CAMTA1: variants seen among roughly 807,000 people sequenced by gnomAD.
CAMTA1 encodes calmodulin binding transcription activator 1.
In CAMTA1, 27 loss-of-function variants were observed where a neutral mutation model predicts 170.9. That is an observed-to-expected ratio of 0.16 (90% CI 0.12 to 0.22). The LOEUF (loss-of-function observed/expected upper bound fraction) is 0.22. CAMTA1 is among the 10% of genes least tolerant of loss of function. The pLI, the probability that CAMTA1 is intolerant of heterozygous loss-of-function variation, is 1.00. For synonymous variants in CAMTA1, 833 were observed against 891.5 expected (o/e 0.93, Z 1.17); for missense variants, 1,619 against 2,217.2 (o/e 0.73, Z 5.42).
At chr1:7,582,242 A>G (rs1274604451) in intron 6 of CAMTA1, among the ~76,000 whole-genome samples, 1 of 152,082 alleles carries the variant, frequency 6.6e-6, no homozygotes, top group Non-Finnish European at 1.5e-5. Context: ...CAGAGAAAGG[A>G]GCTCTCTCCT....
At chr1:6,806,349 T>C (rs1644507949) in intron 1 of CAMTA1, among the ~76,000 whole-genome samples, 1 of 152,220 alleles carries the variant, frequency 6.6e-6, no homozygotes, top group South Asian at 2.1e-4. Context: ...GCTAGCTCCC[T>C]TGTATTTCCG....
intron 5 of CAMTA1, among the ~76,000 whole-genome samples, chr1:7,270,292 T>TATATA (rs1491275364): frequency 2.0e-4 from 14 of 70,360 alleles, no homozygotes; most frequent in Non-Finnish European, 3.1e-4. Flanking sequence ...TATATATATA[T>TATATA]TTTTTTTTTT....
intron 7 of CAMTA1, among the ~76,000 whole-genome samples, chr1:7,650,927 A>T (rs1192696034): frequency 6.6e-6 from 1 of 152,152 alleles, no homozygotes; most frequent in Non-Finnish European, 1.5e-5. Flanking sequence ...CCCGGCTGCC[A>T]TTTCCCATTG....
intron 5 of CAMTA1, among the ~76,000 whole-genome samples, chr1:7,261,999 G>A (rs1668248173): frequency 1.3e-5 from 2 of 152,172 alleles, no homozygotes; most frequent in African/African-American, 2.4e-5. Context: ...CAGAAGCAAC[G>A]CTTAATCCTT....
chr1:6,942,077 C>CT (rs59205326), intron 3 of CAMTA1, among the ~76,000 whole-genome samples: 221 of 147,298 alleles, frequency 1.5e-3, no homozygotes, highest in Middle Eastern at 3.6e-3. Context: ...TTTCTTTTTT[C>CT]TTTTTTTTTT....
chr1:7,068,193 G>A (rs774027810), intron 3 of CAMTA1, among the ~76,000 whole-genome samples: 7 of 152,106 alleles, frequency 4.6e-5, no homozygotes, highest in Non-Finnish European at 1.0e-4. Flanking sequence ...ATCTGCCCTC[G>A]TATTCATGCA....
At position 7,463,052 on chromosome 1, in the gene CAMTA1, AC is replaced by A. The variant is rs1360215338; in HGVS notation, c.439-4777del. Among the ~76,000 whole-genome samples, 1 of 152,172 alleles carries A rather than the reference AC, an allele frequency of 6.6e-6. No homozygotes were observed. Among genetic ancestry groups the A allele is most frequent in the Admixed American group, 6.5e-5 (1 of 15,276 alleles). On this transcript the variant is annotated intron_variant, in intron 5 of 22. Coordinates refer to ENST00000303635, the MANE Select transcript of CAMTA1 (RefSeq NM_015215.4). This position sits in a 1 kb window ranked among gnomAD's most constrained non-coding sequence, Gnocchi z 4.7. ...CAGGGAGGTTGTCCTGGTGAATGGC[AC>A]TGTGTGCGGCAGAGCCTATAGGTGG...
At chr1:7,219,725 A>G (rs1488789197) in intron 4 of CAMTA1, among the ~76,000 whole-genome samples, 1 of 151,762 alleles carries the variant, frequency 6.6e-6, no homozygotes, top group African/African-American at 2.4e-5. Flanking sequence ...CCATGATAGG[A>G]TTAGTGCCCT....
intron 4 of CAMTA1, among the ~76,000 whole-genome samples, chr1:7,155,002 T>A (rs1220121516): frequency 6.6e-6 from 1 of 152,044 alleles, no homozygotes; most frequent in Non-Finnish European, 1.5e-5. Context: ...GGGCAGAACA[T>A]CCCCTGACCA....
At chr1:7,465,595 C>T (rs933884572) in intron 5 of CAMTA1, among the ~76,000 whole-genome samples, 6 of 152,124 alleles carry the variant, frequency 3.9e-5, no homozygotes, top group Admixed American at 6.5e-5. Flanking sequence ...AATGAGTGAG[C>T]CTTGATGTAG....
chr1:7,297,294 C>T (rs1674098311), intron 5 of CAMTA1, among the ~76,000 whole-genome samples: 1 of 152,156 alleles, frequency 6.6e-6, no homozygotes, highest in South Asian at 2.1e-4. Context: ...CTGGCAGATC[C>T]TCTTGGTCTG....
intron 5 of CAMTA1, among the ~76,000 whole-genome samples, chr1:7,306,475 G>T (rs10864293): frequency 6.6e-6 from 1 of 151,960 alleles, no homozygotes; most frequent in Non-Finnish European, 1.5e-5. Context: ...TATGTCTCTT[G>T]TGTTCTATTC....
intron 3 of CAMTA1, among the ~76,000 whole-genome samples, chr1:6,828,033 T>C (rs896947919): frequency 6.6e-6 from 1 of 152,148 alleles, no homozygotes; most frequent in African/African-American, 2.4e-5. Flanking sequence ...GTACAGCATA[T>C]GTTCACAAAG....
At chr1:6,884,690 A>T (rs1453997395) in intron 3 of CAMTA1, among the ~76,000 whole-genome samples, 1 of 152,200 alleles carries the variant, frequency 6.6e-6, no homozygotes, top group Non-Finnish European at 1.5e-5. Flanking sequence ...GCCCATTTTG[A>T]GGAAGTATTT....
At chr1:7,125,010 C>T (rs192568893) in intron 4 of CAMTA1, among the ~76,000 whole-genome samples, 42 of 152,280 alleles carry the variant, frequency 2.8e-4, no homozygotes, top group Non-Finnish European at 4.4e-5. Context: ...TAGCTGTGAG[C>T]ACCCAGGGAG....
At position 7,010,055 on chromosome 1, in the gene CAMTA1, C is replaced by T. The variant is rs1342739645; in HGVS notation, c.235-81249C>T. 6.6e-6 allele frequency among the ~76,000 whole-genome samples: 1 copy of T among 152,184 alleles called. No individual in the cohort carries two copies. The highest frequency in any genetic ancestry group is 1.5e-5 in the Non-Finnish European group (1 of 68,022). On this transcript the variant is annotated intron_variant, in intron 3 of 22. Transcript: ENST00000303635. This position sits in a 1 kb window ranked among gnomAD's most constrained non-coding sequence, Gnocchi z 4.4. Reference sequence around the variant, plus strand: ...AGGATTTACCAGCCCCTTTTGGTTACCAGGCTCAGGCACTTGCCAGGGGTT... The same window carrying T: ...AGGATTTACCAGCCCCTTTTGGTTATCAGGCTCAGGCACTTGCCAGGGGTT...
intron 3 of CAMTA1, among the ~76,000 whole-genome samples, chr1:6,870,488 T>C (rs1668100754): frequency 6.6e-6 from 1 of 152,250 alleles, no homozygotes; most frequent in Non-Finnish European, 1.5e-5. Flanking sequence ...TGTTTATTTA[T>C]TGATTGCCGT....
At chr1:7,516,242 T>A (rs2094284514) in intron 6 of CAMTA1, among the ~76,000 whole-genome samples, 1 of 152,272 alleles carries the variant, frequency 6.6e-6, no homozygotes, top group Non-Finnish European at 1.5e-5. Context: ...GTCAGATGTG[T>A]CCACAGCTAA....
At chr1:7,539,673 C>G (rs1419849776) in intron 6 of CAMTA1, among the ~76,000 whole-genome samples, 3 of 152,236 alleles carry the variant, frequency 2.0e-5, no homozygotes, top group Non-Finnish European at 4.4e-5. Context: ...CGTTCTCATA[C>G]AGAATTGGCT....
Sources: allele counts gnomAD v4.1 joint callset (sites outside exome capture counted in the v4.1 genomes callset), GRCh38; gene constraint gnomAD v4.1.1; non-coding constraint Gnocchi (gnomAD v3.1); transcripts MANE v1.5; gene names NCBI Gene and HGNC (gene_info 2026-07-23, HGNC 2026-07-21).